The following TRMT9B variants were observed in gnomAD, a reference collection of about 807,000 sequenced individuals.
TRMT9B encodes the protein probable tRNA methyltransferase 9B.
Under a neutral mutation model 11.5 loss-of-function variants are expected in TRMT9B, and 16 were observed. That is an observed-to-expected ratio of 1.39 (90% CI 0.94 to 2.11). TRMT9B has a LOEUF of 2.11. Ranked by LOEUF, TRMT9B falls within the 30% of genes most tolerant of loss-of-function variation. The probability of loss-of-function intolerance (pLI) is 0.00; values close to 1 mark genes in which losing one functional copy is unlikely to be tolerated. For missense variants in TRMT9B, 941 were observed against 553.8 expected (o/e 1.70, Z -7.02); for synonymous variants, 274 against 192.4 (o/e 1.42, Z -3.51).
chr8:12,992,378 G>C (rs916233527), intron 2 of TRMT9B, among the ~76,000 whole-genome samples: 2 of 152,092 alleles, frequency 1.3e-5, no homozygotes, highest in Non-Finnish European at 2.9e-5. Flanking sequence ...CCTGGGGCCG[G>C]GCACAGTGGC....
chr8:13,009,642 T>A (rs1296584095), intron 3 of TRMT9B, among the ~76,000 whole-genome samples: 1 of 152,190 alleles, frequency 6.6e-6, no homozygotes, highest in East Asian at 1.9e-4. Context: ...GTTACACTAA[T>A]GGTAGTATAC....
At chr8:12,976,828 A>T (rs191326978) in intron 1 of TRMT9B, among the ~76,000 whole-genome samples, 2 of 152,160 alleles carry the variant, frequency 1.3e-5, no homozygotes, top group African/African-American at 4.8e-5. Flanking sequence ...CTTTAAACCC[A>T]GGAAAGAGCT....
chr8:12,996,470 C>T (rs1585266837), intron 2 of TRMT9B, among the ~76,000 whole-genome samples: 1 of 152,180 alleles, frequency 6.6e-6, no homozygotes, highest in Admixed American at 6.5e-5. Context: ...TCAGCACTTT[C>T]TGTATATACT....
chr8:12,981,730 G>A (rs1008527795), intron 1 of TRMT9B, among the ~76,000 whole-genome samples: 1 of 151,846 alleles, frequency 6.6e-6, no homozygotes, highest in Non-Finnish European at 1.5e-5. Flanking sequence ...CTCCTGAGTA[G>A]CTAGGACTAT....
chr8:12,973,191 A>G (rs574575904), intron 1 of TRMT9B, among the ~76,000 whole-genome samples: 50 of 152,308 alleles, frequency 3.3e-4, no homozygotes, highest in Admixed American at 1.4e-3. Flanking sequence ...GCTGAATAAT[A>G]TGAAATCTGG....
At chr8:12,988,787 T>C (rs1806791625) in intron 1 of TRMT9B, among the ~76,000 whole-genome samples, 1 of 152,162 alleles carries the variant, frequency 6.6e-6, no homozygotes, top group African/African-American at 2.4e-5. Context: ...AGCCAAACCA[T>C]ATCAATTCTA....
chr8:13,003,291 T>C (rs10104178), intron 2 of TRMT9B, among the ~76,000 whole-genome samples: 11,352 of 151,974 alleles, frequency 0.075, 908 homozygotes, highest in African/African-American at 0.2. Context: ...ACAACCCGAG[T>C]CCCTGGCCAC....
intron 2 of TRMT9B, among the ~76,000 whole-genome samples, chr8:13,002,295 C>T (rs974684251): frequency 1.3e-5 from 2 of 152,148 alleles, no homozygotes; most frequent in Non-Finnish European, 2.9e-5. Context: ...CAAAGAAAAA[C>T]TTGCTTGTTC....
intron 4 of TRMT9B, among the ~76,000 whole-genome samples, chr8:13,013,166 A>G (rs1811977042): frequency 6.6e-6 from 1 of 152,174 alleles, no homozygotes. Flanking sequence ...ACTTCATTAT[A>G]TTTAAATGAA....
intron 2 of TRMT9B, among the ~76,000 whole-genome samples, chr8:12,991,350 G>C (rs1032873550): frequency 6.6e-6 from 1 of 152,148 alleles, no homozygotes; most frequent in Admixed American, 6.6e-5. Context: ...ATGATATATA[G>C]ATGTTAAGTG....
intron 1 of TRMT9B, among the ~76,000 whole-genome samples, chr8:12,975,623 AG>A (rs1804330167): frequency 6.6e-6 from 1 of 152,160 alleles, no homozygotes. Flanking sequence ...CTGTAATCCC[AG>A]CTACTTTGGA....
At chr8:13,019,283 A>T (rs640702) in intron 4 of TRMT9B, among the ~76,000 whole-genome samples, 112,504 of 151,998 alleles carry the variant, frequency 0.74, 42,219 homozygotes, top group Non-Finnish European at 0.8. Flanking sequence ...CATTTATATG[A>T]GTGTGTATAT....
At chr8:12,988,810 T>C (rs943513019) in intron 1 of TRMT9B, among the ~76,000 whole-genome samples, 1 of 152,190 alleles carries the variant, frequency 6.6e-6, no homozygotes, top group Non-Finnish European at 1.5e-5. Context: ...ATTTTTTAGA[T>C]GATTATATCA....
chr8:12,951,586 G>A (rs904871018), intron 1 of TRMT9B: 5 of 152,192 alleles, frequency 3.3e-5, no homozygotes, highest in African/African-American at 1.2e-4. Context: ...GGGGCGGGGA[G>A]GCGACAGTCC....
At chr8:13,002,806 C>G (rs561669701) in intron 2 of TRMT9B, among the ~76,000 whole-genome samples, 51 of 152,128 alleles carry the variant, frequency 3.4e-4, no homozygotes, top group African/African-American at 1.1e-3. Context: ...GGGAAGACAC[C>G]GTCTTACCCA....
chr8:12,992,214 T>C (rs567375188), intron 2 of TRMT9B, among the ~76,000 whole-genome samples: 4 of 152,262 alleles, frequency 2.6e-5, no homozygotes, highest in South Asian at 2.1e-4. Flanking sequence ...AGATGAGACA[T>C]AGATAGAGAT....
In TRMT9B at chr8:13,026,487, C is replaced by G. The variant is rs941471981; in HGVS notation, c.*4443C>G. 1.8e-5 allele frequency: 3 copies of G among 166,856 alleles called. No individual in the cohort carries two copies. The highest frequency in any genetic ancestry group is 4.4e-5 in the Non-Finnish European group (3 of 68,158). The allele number at this position is 166,856 out of a possible 1,614,324, so 10.3% of individuals were successfully genotyped here. The stretch of plus-strand genomic sequence containing the variant: ...GGGAGGGGTTGTGCGGCTGGGGCCT[C>G]ACTTCCCCTCCTTCCCCTTCTCCTG... On this transcript the variant is annotated 3_prime_UTR_variant, in exon 5 of 5. Transcript: ENST00000524591.
intron 1 of TRMT9B, among the ~76,000 whole-genome samples, chr8:12,987,173 C>T (rs998317213): frequency 1.3e-5 from 2 of 152,190 alleles, no homozygotes; most frequent in Non-Finnish European, 2.9e-5. Context: ...GGCTCTGCCA[C>T]TTACTAGCTA....
In TRMT9B at chr8:12,991,047, C is replaced by G. The variant is rs563725715; in HGVS notation, c.-2+16C>G. 1.9e-5 allele frequency: 22 copies of G among 1,183,548 alleles called. No homozygotes were observed. Among genetic ancestry groups the G allele is most frequent in the South Asian group, 1.3e-4 (8 of 61,684 alleles). 73.3% of individuals were successfully genotyped at this position (1,183,548 alleles called of 1,614,324 possible). A position where few individuals can be genotyped will look rare whatever the true frequency, so the allele number is the denominator to read the frequency against. The stretch of plus-strand genomic sequence containing the variant: ...GATGACTCAGGTTAGTAGCTTTCAG[C>G]GCTTCTGCAACTCACATACCATGAG... On this transcript the variant is annotated intron_variant, in intron 2 of 4. Transcript: ENST00000524591.
Sources: gnomAD v4.1 joint callset for allele counts (sites outside exome capture counted in the v4.1 genomes callset) on GRCh38, gnomAD v4.1.1 for gene constraint, MANE v1.5 for transcripts, NCBI Gene and HGNC (gene_info 2026-07-23, HGNC 2026-07-21) for gene names.